The following AFAP1 variants were observed in gnomAD, a reference collection of about 807,000 sequenced individuals.
AFAP1 encodes the protein actin filament associated protein 1, also known as actin filament-associated protein 1.
A neutral mutation model predicts 93.9 loss-of-function variants in AFAP1; 75 were observed. The observed-to-expected ratio is 0.80, with a 90% CI of 0.66 to 0.97. AFAP1 has a LOEUF of 0.97. Ranked by LOEUF, AFAP1 falls within the 50% of genes least tolerant of loss-of-function variation. The pLI, the probability that AFAP1 is intolerant of heterozygous loss-of-function variation, is 0.00. For missense variants in AFAP1, 1,201 were observed against 1,050.8 expected (o/e 1.14, Z -1.98); for synonymous variants, 517 against 430.7 (o/e 1.20, Z -2.48).
At chr4:7,858,085 T>A (rs972961780) in intron 3 of AFAP1, among the ~76,000 whole-genome samples, 1 of 152,210 alleles carries the variant, frequency 6.6e-6, no homozygotes, top group Non-Finnish European at 1.5e-5. Context: ...TACTGCTACA[T>A]CCACAGACAA....
chr4:7,809,686 T>C lies in AFAP1; in HGVS notation c.982A>G (p.Ile328Val). The change falls in exon 9 of 18, where the codon ATC becomes GTC. Residue 328 changes from isoleucine (I) to valine (V), a missense_variant. Ile to Val is a conservative substitution (Grantham distance 29, BLOSUM62 3). Transcript: ENST00000420658. ...KVTGKKITKI[I>V]SLGKKKPSTD... ...GACGGCTTTTTCTTTCCCAGACTGA[T>C]GATCTTGGTGATTTTTTTCCCAGTG... is the stretch of plus-strand genomic sequence containing the variant. 2 of 1,614,190 alleles carry C rather than the reference T, an allele frequency of 1.2e-6. No homozygotes were observed. The highest frequency in any genetic ancestry group is 1.7e-6 in the Non-Finnish European group (2 of 1,180,028).
At chr4:7,863,032 T>C (rs1185112249) in intron 3 of AFAP1, among the ~76,000 whole-genome samples, 1 of 152,182 alleles carries the variant, frequency 6.6e-6, no homozygotes, top group Non-Finnish European at 1.5e-5. Context: ...GACCTGGGGC[T>C]CGCCTTCTCA....
chr4:7,859,731 A>C (rs1008061674), intron 3 of AFAP1, among the ~76,000 whole-genome samples: 1 of 152,180 alleles, frequency 6.6e-6, no homozygotes, highest in African/African-American at 2.4e-5. Context: ...TACTTACACA[A>C]CACCACAGTA....
chr4:7,896,767 C>G (rs1178611384), intron 1 of AFAP1, among the ~76,000 whole-genome samples: 2 of 77,168 alleles, frequency 2.6e-5, no homozygotes, highest in Non-Finnish European at 5.0e-5. Flanking sequence ...AGTCCTCATT[C>G]CCCCCCACAC....
At chr4:7,904,063 G>C (rs1354386371) in intron 1 of AFAP1, among the ~76,000 whole-genome samples, 1 of 151,576 alleles carries the variant, frequency 6.6e-6, no homozygotes, top group African/African-American at 2.4e-5. Context: ...ATGTTTTGCT[G>C]AATTTGCCAG....
At chr4:7,816,890 T>C (rs1720528099) in intron 7 of AFAP1, among the ~76,000 whole-genome samples, 1 of 152,194 alleles carries the variant, frequency 6.6e-6, no homozygotes, top group South Asian at 2.1e-4. Context: ...CCTTAAGAGC[T>C]GCAGTGAAGA....
chr4:7,892,720 A>T (rs1048204130), intron 1 of AFAP1, among the ~76,000 whole-genome samples: 1 of 152,056 alleles, frequency 6.6e-6, no homozygotes, highest in African/African-American at 2.4e-5. Flanking sequence ...AGCCTTTCCC[A>T]CCGAACAAAC....
At position 7,843,325 on chromosome 4, in the gene AFAP1, G is replaced by C; in HGVS notation, c.360C>G (p.Ser120Arg). Residue 120 changes from serine to arginine, a missense_variant, in exon 5 of 18, where the codon AGC becomes AGG. By Grantham distance (110) the Ser-to-Arg change is moderately radical. Coordinates refer to ENST00000420658, the MANE Select transcript of AFAP1 (RefSeq NM_001134647.2). The part of the protein sequence containing the change: ...TSNYDSDAMS[S>R]SYESYDEEEE... Reference sequence around the variant, plus strand: ...CCTCTTCATCATACGACTCATAAGAGCTGCTCATCGCATCGGAATCATAAT... The same window carrying C: ...CCTCTTCATCATACGACTCATAAGACCTGCTCATCGCATCGGAATCATAAT... 6.2e-7 allele frequency: 1 copy of C among 1,613,824 alleles called. No individual in the cohort carries two copies. The highest frequency in any genetic ancestry group is 8.5e-7 in the Non-Finnish European group (1 of 1,179,936).
At chr4:7,829,321 T>C (rs1218360302) in intron 6 of AFAP1, among the ~76,000 whole-genome samples, 2 of 152,224 alleles carry the variant, frequency 1.3e-5, no homozygotes, top group African/African-American at 4.8e-5. Flanking sequence ...ATTATAAAAA[T>C]CAAGTAAAAC....
intron 4 of AFAP1, among the ~76,000 whole-genome samples, chr4:7,847,793 C>CGGGGGGGGG (rs10685949): frequency 5.9e-5 from 6 of 102,062 alleles, no homozygotes; most frequent in African/African-American, 1.4e-4. Flanking sequence ...CAGGGGTACT[C>CGGGGGGGGG]GGGGTGGGGC....
intron 11 of AFAP1, among the ~76,000 whole-genome samples, chr4:7,788,175 T>C (rs1169977929): frequency 2.0e-5 from 3 of 152,162 alleles, no homozygotes; most frequent in Non-Finnish European, 4.4e-5. Context: ...GGACTAATAA[T>C]GTAAATCCCA....
chr4:7,925,780 G>A (rs1720694340), intron 1 of AFAP1, among the ~76,000 whole-genome samples: 1 of 152,044 alleles, frequency 6.6e-6, no homozygotes, highest in Admixed American at 6.6e-5. Flanking sequence ...GGGAAGCAGA[G>A]GTTATGGTGA....
chr4:7,780,658 T>A (rs552542427), intron 13 of AFAP1, among the ~76,000 whole-genome samples: 186 of 151,220 alleles, frequency 1.2e-3, no homozygotes, highest in Middle Eastern at 3.5e-3. Context: ...TTTTTTTTTT[T>A]AAAAAGGCCT....
At chr4:7,763,826 C>T (rs1161000225) in intron 17 of AFAP1, 35 bp from the exon 18 acceptor site, 1 of 1,551,016 alleles carries the variant, frequency 6.4e-7, no homozygotes, top group East Asian at 2.4e-5. Flanking sequence ...GTGGACAGGG[C>T]AAGAGGATCA....
chr4:7,819,221 T>A, intron 6 of AFAP1, 50 bp from the exon 7 acceptor site: 1 of 1,518,478 alleles, frequency 6.6e-7, no homozygotes, highest in Non-Finnish European at 9.0e-7. Flanking sequence ...CAGAGATACT[T>A]AAAGGCTTGA....
chr4:7,841,149 G>A (rs1298825997), intron 5 of AFAP1, among the ~76,000 whole-genome samples: 1 of 152,234 alleles, frequency 6.6e-6, no homozygotes, highest in Non-Finnish European at 1.5e-5. Flanking sequence ...TTTATGAATG[G>A]GCGTCCTGAA....
At chr4:7,892,842 G>C (rs1322000790) in intron 1 of AFAP1, among the ~76,000 whole-genome samples, 2 of 152,152 alleles carry the variant, frequency 1.3e-5, no homozygotes, top group Admixed American at 6.5e-5. Context: ...GGATGTGGTG[G>C]GGGAGCAGCG....
intron 3 of AFAP1, 133 bp downstream of exon 3, chr4:7,868,489 T>C (rs1310029160): frequency 2.9e-6 from 2 of 687,292 alleles, no homozygotes; most frequent in Non-Finnish European, 4.7e-6. Flanking sequence ...CCTAGAAATA[T>C]ACTCAAAGGA....
intron 1 of AFAP1, among the ~76,000 whole-genome samples, chr4:7,899,258 TAC>T (rs1382819466): frequency 6.6e-6 from 1 of 152,108 alleles, no homozygotes; most frequent in Non-Finnish European, 1.5e-5. Context: ...CACAAACTTT[TAC>T]AGTTATACGC....
Sources: gnomAD v4.1 joint callset for allele counts (sites outside exome capture counted in the v4.1 genomes callset) on GRCh38, gnomAD v4.1.1 for gene constraint, MANE v1.5 for transcripts, NCBI Gene and HGNC (gene_info 2026-07-23, HGNC 2026-07-21) for gene names.